CAMTA1: variants seen among roughly 807,000 people sequenced by gnomAD.
The protein encoded by CAMTA1 is calmodulin binding transcription activator 1, also known as calmodulin-binding transcription activator 1.
A neutral mutation model predicts 170.9 loss-of-function variants in CAMTA1; 27 were observed. That is an observed-to-expected ratio of 0.16 (90% confidence interval 0.12 to 0.22). CAMTA1 has a LOEUF of 0.22. CAMTA1 is among the 10% of genes least tolerant of loss of function. The probability of loss-of-function intolerance (pLI) is 1.00; values close to 1 mark genes in which losing one functional copy is unlikely to be tolerated. For synonymous variants in CAMTA1, 833 were observed against 891.5 expected (o/e 0.93, Z 1.17); for missense variants, 1,619 against 2,217.2 (o/e 0.73, Z 5.42).
Position 6,785,519 on chromosome 1 carries a change from A to T in CAMTA1, c.-12A>T, listed in dbSNP as rs781157444. ...GCGCGCGCTCGGGGTCCCGGTCGCG[A>T]GGAGGAGGAGGATGTGGCGCGCGGA... On this transcript the variant is annotated 5_prime_UTR_variant, in exon 1 of 23. Transcript: ENST00000303635. 1.5e-5 allele frequency: 15 copies of T among 992,008 alleles called. No individual in the cohort carries two copies. In the South Asian group the frequency reaches 2.6e-4, roughly 17 times the overall value. The allele number at this position is 992,008 out of a possible 1,614,324, so 61.5% of individuals were successfully genotyped here. A position where few individuals can be genotyped will look rare whatever the true frequency, so the allele number is the denominator to read the frequency against.
chr1:7,604,753 G>A (rs1457646609), intron 6 of CAMTA1, among the ~76,000 whole-genome samples: 1 of 152,182 alleles, frequency 6.6e-6, no homozygotes, highest in Non-Finnish European at 1.5e-5. Flanking sequence ...GAGGAGAGGT[G>A]CTCTGATTTT....
chr1:6,793,163 T>C (rs1374876774), intron 1 of CAMTA1, among the ~76,000 whole-genome samples: 2 of 152,104 alleles, frequency 1.3e-5, no homozygotes, highest in Non-Finnish European at 2.9e-5. Flanking sequence ...CCAGCTCTGA[T>C]TGGTTCTGCT....
In CAMTA1 at chr1:7,698,074, A is replaced by ACCCCCCCCC. The variant is rs55893283; in HGVS notation, c.2914+20347_2914+20355dup. 1.6e-4 allele frequency among the ~76,000 whole-genome samples: 16 copies of ACCCCCCCCC among 98,584 alleles called. 2 individuals carry two copies. Among genetic ancestry groups the ACCCCCCCCC allele is most frequent in the East Asian group, 2.6e-4 (1 of 3,776 alleles). The allele number at this position is 98,584 out of a possible 152,430, so 64.7% of individuals were successfully genotyped here. A position where few individuals can be genotyped will look rare whatever the true frequency, so the allele number is the denominator to read the frequency against. ...CAGGTCATGCTGGCCACGCACTGTG[A>ACCCCCCCCC]CCCCCCCCCCCCCCACCAACATGGC... On this transcript the variant is annotated intron_variant, in intron 11 of 22. Transcript: ENST00000303635.
intron 4 of CAMTA1, among the ~76,000 whole-genome samples, chr1:7,185,100 A>C (rs1262342704): frequency 2.0e-5 from 3 of 152,182 alleles, no homozygotes; most frequent in Non-Finnish European, 1.5e-5. Flanking sequence ...CACATATGGA[A>C]AGGTATAGAA....
At chr1:7,556,587 C>T (rs986764774) in intron 6 of CAMTA1, among the ~76,000 whole-genome samples, 1 of 152,184 alleles carries the variant, frequency 6.6e-6, no homozygotes, top group Admixed American at 6.5e-5. Flanking sequence ...CTAAGGGTGG[C>T]CACTGTGGCC....
At chr1:7,640,688 C>T (rs6659902) in intron 7 of CAMTA1, 135 bp downstream of exon 7, 17 of 1,026,718 alleles carry the variant, frequency 1.7e-5, no homozygotes, top group Admixed American at 6.3e-5. Flanking sequence ...ACAGTGGCAC[C>T]GTGAGCTTAG....
At chr1:7,746,754 A>G (rs1321693135) in intron 18 of CAMTA1, among the ~76,000 whole-genome samples, 1 of 152,206 alleles carries the variant, frequency 6.6e-6, no homozygotes, top group African/African-American at 2.4e-5. Context: ...CTCCTGCCTC[A>G]GCCTCCCAAG....
intron 6 of CAMTA1, among the ~76,000 whole-genome samples, chr1:7,515,070 G>T (rs926144020): frequency 2.0e-5 from 3 of 150,830 alleles, no homozygotes; most frequent in Non-Finnish European, 4.4e-5. Context: ...GGGATCATCA[G>T]GCTGGTCCTC....
chr1:7,255,053 C>T (rs1372502899), intron 5 of CAMTA1, among the ~76,000 whole-genome samples: 5 of 152,102 alleles, frequency 3.3e-5, no homozygotes, highest in African/African-American at 7.2e-5. Flanking sequence ...AACCCAACAC[C>T]GCATGTTCTC....
At chr1:6,826,724 T>C (rs528150452) in intron 3 of CAMTA1, among the ~76,000 whole-genome samples, 1 of 152,350 alleles carries the variant, frequency 6.6e-6, no homozygotes, top group African/African-American at 2.4e-5. Context: ...TTTTTTCCCA[T>C]GGACCCATGT....
chr1:7,406,823 T>C (rs939857996), intron 5 of CAMTA1, among the ~76,000 whole-genome samples: 3 of 151,918 alleles, frequency 2.0e-5, no homozygotes, highest in African/African-American at 7.3e-5. Context: ...CTCCCGACAA[T>C]GGGTAGAGTT....
At position 7,592,209 on chromosome 1, in the gene CAMTA1, GT is replaced by G. The variant is rs1437923634; in HGVS notation, c.511-48188del. The stretch of plus-strand genomic sequence containing the variant: ...CCACCGCACCCAGCCACTTTTCACA[GT>G]TTAGATCTCAGCTCAGTGGCCCTCT... On this transcript the variant is annotated intron_variant, in intron 6 of 22. Transcript: ENST00000303635. This position sits in a 1 kb window ranked among gnomAD's most constrained non-coding sequence, Gnocchi z 4.6. Among the ~76,000 whole-genome samples, 1 of 152,184 alleles carries G rather than the reference GT, an allele frequency of 6.6e-6. No homozygotes were observed. Among genetic ancestry groups the G allele is most frequent in the Non-Finnish European group, 1.5e-5 (1 of 68,036 alleles).
chr1:7,447,323 T>G (rs2092704576), intron 5 of CAMTA1, among the ~76,000 whole-genome samples: 1 of 150,602 alleles, frequency 6.6e-6, no homozygotes, highest in Admixed American at 6.7e-5. Context: ...CACGCATGGA[T>G]GGCATGACAC....
chr1:6,901,193 CAAATA>C (rs1557791237), intron 3 of CAMTA1, among the ~76,000 whole-genome samples: 1 of 152,172 alleles, frequency 6.6e-6, no homozygotes, highest in Non-Finnish European at 1.5e-5. Flanking sequence ...CATTCATGTG[CAAATA>C]AAATGAACCT....
At chr1:7,676,161 G>C (rs1189313673) in intron 10 of CAMTA1, among the ~76,000 whole-genome samples, 1 of 152,244 alleles carries the variant, frequency 6.6e-6, no homozygotes, top group East Asian at 1.9e-4. Context: ...CAATCTCCAG[G>C]GCAGGCATGC....
At chr1:7,317,004 G>C (rs1677622249) in intron 5 of CAMTA1, among the ~76,000 whole-genome samples, 1 of 152,232 alleles carries the variant, frequency 6.6e-6, no homozygotes, top group East Asian at 1.9e-4. Flanking sequence ...TCTGCCAGGG[G>C]TGAGGAGGTG....
chr1:6,974,277 A>C (rs1335610527), intron 3 of CAMTA1, among the ~76,000 whole-genome samples: 3 of 152,208 alleles, frequency 2.0e-5, no homozygotes, highest in African/African-American at 7.2e-5. Context: ...AAAACAATAC[A>C]GTTGTGTATT....
At position 7,064,342 on chromosome 1, in the gene CAMTA1, A is replaced by G. The variant is rs925402022; in HGVS notation, c.235-26962A>G. Among the ~76,000 whole-genome samples the G allele has an allele frequency of 6.6e-6, 1 of 152,000 alleles. No individual in the cohort carries two copies. The highest frequency in any genetic ancestry group is 1.5e-5 in the Non-Finnish European group (1 of 68,006). On this transcript the variant is annotated intron_variant, in intron 3 of 22. Transcript: ENST00000303635. This position sits in a 1 kb window ranked among gnomAD's most constrained non-coding sequence, Gnocchi z 5.4. Reference sequence around the variant, plus strand: ...TATAATCATGAGGACACCTACCTTCATGACTTGTCTCATATTAATTAGCTT... The same window carrying G: ...TATAATCATGAGGACACCTACCTTCGTGACTTGTCTCATATTAATTAGCTT...
intron 3 of CAMTA1, among the ~76,000 whole-genome samples, chr1:7,033,288 G>C (rs1188740091): frequency 6.6e-6 from 1 of 152,030 alleles, no homozygotes; most frequent in Non-Finnish European, 1.5e-5. Context: ...CTAATTGTCT[G>C]TTAATTACAC....
Sources: allele counts gnomAD v4.1 joint callset (sites outside exome capture counted in the v4.1 genomes callset), GRCh38; gene constraint gnomAD v4.1.1; non-coding constraint Gnocchi (gnomAD v3.1); transcripts MANE v1.5; gene names NCBI Gene and HGNC (gene_info 2026-07-23, HGNC 2026-07-21).